Variants in WDR64 observed in about 807,000 individuals in gnomAD.
WDR64 encodes WD repeat domain 64.
Under a neutral mutation model 139.3 loss-of-function variants are expected in WDR64, and 112 were observed. That is an observed-to-expected ratio of 0.80 (90% confidence interval 0.69 to 0.94). The LOEUF (loss-of-function observed/expected upper bound fraction) is 0.94, where lower values mean the gene tolerates loss of function less well. Ranked by LOEUF, WDR64 falls within the 40% of genes least tolerant of loss-of-function variation. WDR64 has a pLI of 0.00. For missense variants in WDR64, 1,206 were observed against 1,293.1 expected (o/e 0.93, Z 1.03); for synonymous variants, 444 against 437.7 (o/e 1.01, Z -0.18).
At chr1:241,668,621 C>T (rs1017652244) in intron 2 of WDR64, among the ~76,000 whole-genome samples, 5 of 151,276 alleles carry the variant, frequency 3.3e-5, no homozygotes, top group African/African-American at 1.2e-4. Context: ...TTTTAAAATA[C>T]TACCCTTGGC....
intron 13 of WDR64, among the ~76,000 whole-genome samples, chr1:241,744,948 T>C (rs1229411680): frequency 6.6e-6 from 1 of 152,232 alleles, no homozygotes; most frequent in African/African-American, 2.4e-5. Flanking sequence ...TACTCCTATA[T>C]TGGAATTCTA....
chr1:241,780,163 T>G, intron 22 of WDR64, 101 bp downstream of exon 22: 9 of 1,004,052 alleles, frequency 9.0e-6, no homozygotes, highest in Non-Finnish European at 1.3e-5. Flanking sequence ...CAAGACTCTC[T>G]GTTGTCAAGG....
At chr1:241,799,376 CAA>C (rs146121342) in intron 27 of WDR64, among the ~76,000 whole-genome samples, 12 of 103,910 alleles carry the variant, frequency 1.2e-4, no homozygotes, top group Admixed American at 9.6e-5. Flanking sequence ...AACTCTGTCT[CAA>C]AAAAAAAAAA....
intron 26 of WDR64, 57 bp downstream of exon 26, chr1:241,795,344 TCATTCCTGACCCTGGG>T: frequency 1.3e-6 from 2 of 1,487,654 alleles, no homozygotes; most frequent in South Asian, 1.2e-5. Flanking sequence ...ATCTGCCATC[TCATTCCTGACCCTGGG>T]CTACCAAGCA....
intron 4 of WDR64, chr1:241,676,045 A>G (rs1666543121): frequency 6.6e-6 from 1 of 152,236 alleles, no homozygotes; most frequent in Non-Finnish European, 1.5e-5. Flanking sequence ...CCTTTGAAAT[A>G]ATCATTATGT....
chr1:241,657,817 A>G (rs1199197496), intron 1 of WDR64, among the ~76,000 whole-genome samples: 1 of 152,198 alleles, frequency 6.6e-6, no homozygotes, highest in Non-Finnish European at 1.5e-5. Flanking sequence ...TACTCTTCTG[A>G]AGGAGGTAGC....
intron 24 of WDR64, among the ~76,000 whole-genome samples, chr1:241,789,806 G>C (rs998707992): frequency 6.6e-6 from 1 of 152,100 alleles, no homozygotes; most frequent in Non-Finnish European, 1.5e-5. Context: ...CCTGGGTGAT[G>C]AAATATCTGT....
At chr1:241,685,297 A>T (rs567481919) in intron 7 of WDR64, among the ~76,000 whole-genome samples, 1 of 151,900 alleles carries the variant, frequency 6.6e-6, no homozygotes, top group African/African-American at 2.4e-5. Flanking sequence ...TGTTTTAAAA[A>T]ATATTTAATG....
chr1:241,787,657 C>T (rs1435169392), intron 23 of WDR64, among the ~76,000 whole-genome samples, 192 bp from the exon 24 acceptor site: 1 of 133,130 alleles, frequency 7.5e-6, no homozygotes, highest in Non-Finnish European at 1.6e-5. Flanking sequence ...AAGAGCAAAA[C>T]TCCATCTCAA....
intron 2 of WDR64, among the ~76,000 whole-genome samples, chr1:241,670,865 G>A (rs1356578026): frequency 6.6e-6 from 1 of 152,192 alleles, no homozygotes; most frequent in Admixed American, 6.5e-5. Context: ...TGGAAAAAGT[G>A]TCTTCCATGA....
At chr1:241,763,244 A>G (rs534830623) in intron 15 of WDR64, among the ~76,000 whole-genome samples, 134 of 152,338 alleles carry the variant, frequency 8.8e-4, no homozygotes, top group Non-Finnish European at 1.6e-3. Flanking sequence ...TAAAAAAAAA[A>G]GAAAAACTAT....
chr1:241,746,420 C>T (rs1226916206), intron 13 of WDR64, among the ~76,000 whole-genome samples: 2 of 152,022 alleles, frequency 1.3e-5, no homozygotes, highest in Non-Finnish European at 2.9e-5. Flanking sequence ...CCCTCTGGCC[C>T]CTTCTTCCAG....
chr1:241,769,122 T>A (rs181126083), intron 16 of WDR64, among the ~76,000 whole-genome samples: 1 of 151,792 alleles, frequency 6.6e-6, no homozygotes, highest in African/African-American at 2.4e-5. Flanking sequence ...TAAAATAGAG[T>A]TTTTTCCATA....
Position 241,802,238 on chromosome 1 carries a change from T to C in WDR64, c.*1023T>C, listed in dbSNP as rs1033736222. The C allele has an allele frequency of 2.0e-5, 8 of 397,480 alleles. No homozygotes were observed. The East Asian group carries it at 2.9e-4, about 14-fold the overall frequency. The allele number at this position is 397,480 out of a possible 1,614,324, so 24.6% of individuals were successfully genotyped here. Reference sequence around the variant, plus strand: ...TTAAAGGGAATAAAATGCTAATGCATGCATTAACATAGACCAATCTCAAGA... The same window carrying C: ...TTAAAGGGAATAAAATGCTAATGCACGCATTAACATAGACCAATCTCAAGA... On this transcript the variant is annotated 3_prime_UTR_variant, in exon 28 of 28. Coordinates refer to ENST00000437684, the MANE Select transcript of WDR64 (RefSeq NM_001367482.1).
chr1:241,777,745 T>C (rs1294271019), intron 21 of WDR64, among the ~76,000 whole-genome samples: 2 of 152,166 alleles, frequency 1.3e-5, no homozygotes, highest in Non-Finnish European at 2.9e-5. Flanking sequence ...AAAATACTTT[T>C]AAATTTCCCT....
rs751479549 is a variant in WDR64, at chr1:241,788,042, C to T, written c.2891+8C>T. Reference sequence around the variant, plus strand: ...GATATTTGACCGGGAAAAGTAAGACCATTAGCTCTTCTTTAGATAAGCATA... The same window carrying T: ...GATATTTGACCGGGAAAAGTAAGACTATTAGCTCTTCTTTAGATAAGCATA... On this transcript the variant is annotated splice_region_variant and intron_variant, in intron 24 of 27. Coordinates refer to ENST00000437684, the MANE Select transcript of WDR64 (RefSeq NM_001367482.1). The T allele has an allele frequency of 1.3e-6, 2 of 1,568,554 alleles. No individual in the cohort carries two copies. The highest frequency in any genetic ancestry group is 3.8e-5 in the Admixed American group (2 of 52,130).
chr1:241,713,143 C>CAAAA (rs57422282), intron 9 of WDR64, among the ~76,000 whole-genome samples: 5,339 of 136,942 alleles, frequency 0.039, 310 homozygotes, highest in African/African-American at 0.13. Flanking sequence ...CTTGTCTCTA[C>CAAAA]AAAAAAAAAA....
intron 9 of WDR64, among the ~76,000 whole-genome samples, chr1:241,722,489 G>A (rs1375553204): frequency 6.6e-6 from 1 of 152,156 alleles, no homozygotes; most frequent in Non-Finnish European, 1.5e-5. Flanking sequence ...ATTCGTTGCA[G>A]TATTGCTGAA....
Position 241,757,474 on chromosome 1 carries a change from T to C in WDR64, c.1947+15T>C. The C allele has an allele frequency of 1.3e-6, 2 of 1,588,258 alleles. No homozygotes were observed. Among genetic ancestry groups the C allele is most frequent in the South Asian group, 1.2e-5 (1 of 86,468 alleles). ...AACCTACTGATGTAAGTTTCCTCTC[T>C]TGGTTTCTTTTTAACTTTTGCTTTT... On this transcript the variant is annotated intron_variant, in intron 15 of 27. Coordinates refer to ENST00000437684, the MANE Select transcript of WDR64 (RefSeq NM_001367482.1).
Sources: allele counts gnomAD v4.1 joint callset (sites outside exome capture counted in the v4.1 genomes callset), GRCh38; gene constraint gnomAD v4.1.1; transcripts MANE v1.5; gene names NCBI Gene and HGNC (gene_info 2026-07-23, HGNC 2026-07-21).